Variants in FOXP1 observed in about 807,000 individuals in gnomAD.
FOXP1 encodes forkhead box P1, also known as forkhead box protein P1.
Under a neutral mutation model 98.2 loss-of-function variants are expected in FOXP1, and 15 were observed. The ratio of observed to expected loss-of-function variants is 0.15; its 90% CI spans 0.10 to 0.24. FOXP1 has a LOEUF of 0.24. FOXP1 is among the 10% of genes least tolerant of loss of function. The pLI is 1.00. For synonymous variants in FOXP1, 371 were observed against 314.5 expected (o/e 1.18, Z -1.90); for missense variants, 633 against 848.5 (o/e 0.75, Z 3.15).
At chr3:71,039,315 A>G (rs1289994190) in intron 11 of FOXP1, among the ~76,000 whole-genome samples, 1 of 152,196 alleles carries the variant, frequency 6.6e-6, no homozygotes, top group East Asian at 1.9e-4. Flanking sequence ...CAGACAAATA[A>G]GGACCATAAA....
At chr3:71,456,251 A>AG (rs200473175) in intron 3 of FOXP1, among the ~76,000 whole-genome samples, 3,159 of 151,284 alleles carry the variant, frequency 0.021, 102 homozygotes, top group African/African-American at 0.071. Context: ...CACAACAGAG[A>AG]AAGAGAGAGA....
At chr3:71,263,839 G>A (rs922631839) in intron 5 of FOXP1, among the ~76,000 whole-genome samples, 1 of 151,680 alleles carries the variant, frequency 6.6e-6, no homozygotes, top group Non-Finnish European at 1.5e-5. Flanking sequence ...CGACTTCCCA[G>A]GCTCAAATGA....
intron 5 of FOXP1, among the ~76,000 whole-genome samples, chr3:71,272,261 T>C (rs927206771): frequency 2.0e-5 from 3 of 152,120 alleles, no homozygotes; most frequent in Non-Finnish European, 4.4e-5. Context: ...GATAAATAGA[T>C]TACTAGGGAA....
chr3:71,061,522 G>A (rs367925851), intron 7 of FOXP1, among the ~76,000 whole-genome samples: 3 of 152,054 alleles, frequency 2.0e-5, no homozygotes, highest in African/African-American at 7.2e-5. Context: ...ATTTGCAAGC[G>A]TTATAATTTA....
rs781038123 is a variant in FOXP1 at position 71,052,558 on chromosome 3, A to ATGT, written c.486_488dup (p.Gln162dup). 8 of 1,372,284 alleles carry ATGT rather than the reference A, an allele frequency of 5.8e-6. No homozygotes were observed. The East Asian group carries it at 6.8e-5, about 12-fold the overall frequency. The allele number at this position is 1,372,284 out of a possible 1,614,324, so 85.0% of individuals were successfully genotyped here. A position where few individuals can be genotyped will look rare whatever the true frequency, so the allele number is the denominator to read the frequency against. On this transcript the variant is annotated inframe_insertion, in exon 9 of 21. Coordinates refer to ENST00000649528, the MANE Select transcript of FOXP1 (RefSeq NM_001349338.3). ...GTACCTCTTTAGGCTGTTTTCCAGC[A>ATGT]TGTTGTTGTTGTAAAAGTTGAAGCT... is the stretch of plus-strand genomic sequence containing the variant.
intron 2 of FOXP1, among the ~76,000 whole-genome samples, chr3:71,501,297 T>C (rs1026105558): frequency 8.1e-5 from 12 of 148,338 alleles, no homozygotes; most frequent in African/African-American, 1.7e-4. Context: ...GCTTTTCTTT[T>C]TTTTTTTTTT....
chr3:71,516,408 G>A (rs1399952444), intron 2 of FOXP1, among the ~76,000 whole-genome samples: 5 of 152,114 alleles, frequency 3.3e-5, no homozygotes, highest in African/African-American at 1.2e-4. Context: ...GGGAATTCTT[G>A]CATTATTCTT....
At chr3:71,062,115 G>A (rs910560501) in intron 7 of FOXP1, among the ~76,000 whole-genome samples, 1 of 152,052 alleles carries the variant, frequency 6.6e-6, no homozygotes, top group Admixed American at 6.6e-5. Flanking sequence ...TGACGGTGAG[G>A]GTTTTGTTTT....
intron 5 of FOXP1, among the ~76,000 whole-genome samples, chr3:71,232,034 A>G (rs2066331091): frequency 6.6e-6 from 1 of 152,244 alleles, no homozygotes; most frequent in Non-Finnish European, 1.5e-5. Context: ...GTCACCTGAA[A>G]GGGATTTCTG....
At chr3:70,980,159 G>A (rs2038567108) in intron 14 of FOXP1, among the ~76,000 whole-genome samples, 1 of 152,108 alleles carries the variant, frequency 6.6e-6, no homozygotes, top group African/African-American at 2.4e-5. Flanking sequence ...AGTAGCAGCC[G>A]CAGGATGGGG....
chr3:71,549,685 A>G (rs1427501931), intron 2 of FOXP1, among the ~76,000 whole-genome samples: 1 of 152,172 alleles, frequency 6.6e-6, no homozygotes, highest in African/African-American at 2.4e-5. Flanking sequence ...CAAAACATAT[A>G]TATTTTAATA....
intron 19 of FOXP1, chr3:70,966,413 T>G: frequency 3.1e-6 from 1 of 326,776 alleles, no homozygotes. Flanking sequence ...TGAAATATAA[T>G]AGAATTTTTA....
rs549897783 is a variant in FOXP1, at chr3:71,168,941, A to G, written c.180+29261T>C. 1.1e-4 allele frequency among the ~76,000 whole-genome samples: 16 copies of G among 152,338 alleles called. No individual in the cohort carries two copies. The South Asian group carries it at 3.3e-3, about 32-fold the overall frequency. ...GCGATTTAATTACTTCTCCTTTCACAGAGAAATAGAGAAGAGTTTCTCAGT... is the reference window on the plus strand; with the variant it reads ...GCGATTTAATTACTTCTCCTTTCACGGAGAAATAGAGAAGAGTTTCTCAGT... On this transcript the variant is annotated intron_variant, in intron 6 of 20. Transcript: ENST00000649528.
chr3:71,490,429 T>A (rs1033937683), intron 3 of FOXP1, among the ~76,000 whole-genome samples: 1 of 151,572 alleles, frequency 6.6e-6, no homozygotes, highest in Non-Finnish European at 1.5e-5. Flanking sequence ...ACCCAGGAAG[T>A]GGAGGTTGCA....
At chr3:71,089,977 T>G (rs940309553) in intron 7 of FOXP1, among the ~76,000 whole-genome samples, 8 of 152,192 alleles carry the variant, frequency 5.3e-5, no homozygotes, top group Non-Finnish European at 1.0e-4. Context: ...ACTTCTGATT[T>G]TTTTCTTTTT....
At chr3:71,266,398 C>T (rs1275580097) in intron 5 of FOXP1, among the ~76,000 whole-genome samples, 1 of 151,664 alleles carries the variant, frequency 6.6e-6, no homozygotes, top group Non-Finnish European at 1.5e-5. Context: ...TACAGGTGCC[C>T]GCCACCATGC....
chr3:71,190,868 T>C (rs1184821138), intron 6 of FOXP1, among the ~76,000 whole-genome samples: 3 of 151,958 alleles, frequency 2.0e-5, no homozygotes, highest in Non-Finnish European at 2.9e-5. Flanking sequence ...TAGCAAAGGG[T>C]CTCTGGAATG....
chr3:71,197,873 T>G, intron 6 of FOXP1: 1 of 1,613,822 alleles, frequency 6.2e-7, no homozygotes, highest in Non-Finnish European at 8.5e-7. Context: ...ATGAAAGCAG[T>G]GGGAACCATT....
At chr3:71,428,630 C>G (rs1018751344) in intron 3 of FOXP1, among the ~76,000 whole-genome samples, 1 of 152,170 alleles carries the variant, frequency 6.6e-6, no homozygotes, top group Non-Finnish European at 1.5e-5. Context: ...AAAGAGGCCC[C>G]CCTATGAAAT....
Sources: allele counts gnomAD v4.1 joint callset (sites outside exome capture counted in the v4.1 genomes callset), GRCh38; gene constraint gnomAD v4.1.1; transcripts MANE v1.5; gene names NCBI Gene and HGNC (gene_info 2026-07-23, HGNC 2026-07-21).